Variants in CNTNAP2 observed in about 807,000 individuals in gnomAD.
CNTNAP2 encodes contactin-associated protein-like 2.
A neutral mutation model predicts 155.2 loss-of-function variants in CNTNAP2; 98 were observed. The ratio of observed to expected loss-of-function variants is 0.63; its 90% CI spans 0.54 to 0.75. CNTNAP2 has a LOEUF of 0.75. CNTNAP2 is among the 30% of genes least tolerant of loss of function. The pLI is 0.00. For missense variants in CNTNAP2, 1,727 were observed against 1,688.1 expected (o/e 1.02, Z -0.40); for synonymous variants, 651 against 631.2 (o/e 1.03, Z -0.47).
At chr7:147,073,459 T>A (rs1799937911) in intron 4 of CNTNAP2, among the ~76,000 whole-genome samples, 1 of 152,116 alleles carries the variant, frequency 6.6e-6, no homozygotes, top group South Asian at 2.1e-4. Flanking sequence ...GGAGTCAAGA[T>A]CTCAGCTTGG....
chr7:147,771,720 C>T (rs1797472044), intron 13 of CNTNAP2, among the ~76,000 whole-genome samples: 1 of 152,044 alleles, frequency 6.6e-6, no homozygotes, highest in South Asian at 2.1e-4. Flanking sequence ...AGTTGTCTGG[C>T]TCAAACTTCA....
intron 1 of CNTNAP2, among the ~76,000 whole-genome samples, chr7:146,175,749 T>C (rs754483652): frequency 2.6e-5 from 4 of 152,240 alleles, no homozygotes; most frequent in Non-Finnish European, 5.9e-5. Context: ...GCACACCCTT[T>C]AGTTCTAAGT....
chr7:147,904,456 A>G (rs964717775), intron 14 of CNTNAP2, among the ~76,000 whole-genome samples: 5 of 152,212 alleles, frequency 3.3e-5, no homozygotes, highest in African/African-American at 7.2e-5. Flanking sequence ...GATTCTTTGC[A>G]GAAGCACATA....
chr7:147,439,333 T>G (rs878992292), intron 10 of CNTNAP2, among the ~76,000 whole-genome samples: 1 of 152,058 alleles, frequency 6.6e-6, no homozygotes, highest in African/African-American at 2.4e-5. Flanking sequence ...CTTAATTTTT[T>G]TATTGACCCA....
At chr7:146,884,246 C>T (rs574780154) in intron 3 of CNTNAP2, among the ~76,000 whole-genome samples, 24 of 151,982 alleles carry the variant, frequency 1.6e-4, no homozygotes, top group Admixed American at 3.3e-4. Flanking sequence ...TTGATCCCCA[C>T]GTTTGGTTGA....
At chr7:148,307,955 A>G (rs1797518437) in intron 21 of CNTNAP2, among the ~76,000 whole-genome samples, 1 of 152,218 alleles carries the variant, frequency 6.6e-6, no homozygotes, top group Non-Finnish European at 1.5e-5. Flanking sequence ...CCTGTTTGAC[A>G]GAGTGAGACC....
intron 21 of CNTNAP2, among the ~76,000 whole-genome samples, chr7:148,279,094 G>C (rs1041438779): frequency 1.3e-5 from 2 of 152,236 alleles, no homozygotes; most frequent in Non-Finnish European, 2.9e-5. Context: ...CCATCATGGA[G>C]AGTCTGCATT....
intron 1 of CNTNAP2, among the ~76,000 whole-genome samples, chr7:146,182,181 T>C (rs762646853): frequency 6.6e-6 from 1 of 152,066 alleles, no homozygotes; most frequent in Non-Finnish European, 1.5e-5. Context: ...GGAGAGGAAA[T>C]ATGAATGAGA....
chr7:147,418,123 T>A (rs1797229542), intron 10 of CNTNAP2, among the ~76,000 whole-genome samples: 1 of 152,206 alleles, frequency 6.6e-6, no homozygotes. Flanking sequence ...AAAGCATAGT[T>A]CTATGGTACT....
At chr7:146,483,741 A>AT (rs1797014546) in intron 1 of CNTNAP2, among the ~76,000 whole-genome samples, 1 of 152,090 alleles carries the variant, frequency 6.6e-6, no homozygotes, top group East Asian at 1.9e-4. Flanking sequence ...TAAAGAAAAT[A>AT]TTTTTGTACA....
intron 1 of CNTNAP2, among the ~76,000 whole-genome samples, chr7:146,120,541 T>C (rs984551468): frequency 6.6e-6 from 1 of 152,178 alleles, no homozygotes. Context: ...CAACGTATCA[T>C]TTTAGATGAT....
intron 1 of CNTNAP2, among the ~76,000 whole-genome samples, chr7:146,671,905 G>A (rs962342597): frequency 5.9e-5 from 9 of 151,648 alleles, no homozygotes; most frequent in African/African-American, 2.2e-4. Context: ...AACCTCCGCC[G>A]CCTGGGTTCA....
At position 147,116,387 on chromosome 7, in the gene CNTNAP2, G is replaced by A. The variant is rs556105484; in HGVS notation, c.755-4592G>A. On this transcript the variant is annotated intron_variant, in intron 5 of 23. Transcript: ENST00000361727. ...TTGGAGATTTCTTCAGCCCCTAATC[G>A]GTTTGGGCTCTCCAAGGCCCACAGG... 7.2e-5 allele frequency among the ~76,000 whole-genome samples: 11 copies of A among 152,300 alleles called. No homozygotes were observed. In the South Asian group the frequency reaches 8.3e-4, roughly 11 times the overall value.
At chr7:148,332,199 C>A (rs1022298226) in intron 21 of CNTNAP2, among the ~76,000 whole-genome samples, 45 of 150,016 alleles carry the variant, frequency 3.0e-4, no homozygotes, top group Non-Finnish European at 8.9e-5. Context: ...ACATTTGGCA[C>A]AACAGAGCAA....
intron 9 of CNTNAP2, among the ~76,000 whole-genome samples, chr7:147,319,492 C>T (rs1220406734): frequency 1.3e-5 from 2 of 152,268 alleles, no homozygotes; most frequent in African/African-American, 2.4e-5. Flanking sequence ...ATCCTCCCAC[C>T]TCAGCCTCCC....
chr7:147,117,079 GC>G (rs2129281798), intron 5 of CNTNAP2, among the ~76,000 whole-genome samples: 1 of 152,284 alleles, frequency 6.6e-6, no homozygotes, highest in African/African-American at 2.4e-5. Flanking sequence ...TGGAAATGGG[GC>G]CCACAGAACA....
rs191383110 is a variant in CNTNAP2 at position 147,338,875 on chromosome 7, G to A, written c.1498+38585G>A. Among the ~76,000 whole-genome samples, 114 of 151,728 alleles carry A rather than the reference G, an allele frequency of 7.5e-4. 1 individual carries two copies. The East Asian group carries it at 0.022, about 29-fold the overall frequency. ...AAACAGAAAATGGGGGTCTTGAAGA[G>A]GGCTGGGGGTAGGGGGAGCTCATAT... On this transcript the variant is annotated intron_variant, in intron 9 of 23. Transcript: ENST00000361727.
intron 1 of CNTNAP2, among the ~76,000 whole-genome samples, chr7:146,361,389 C>T (rs1220067897): frequency 6.6e-6 from 1 of 152,060 alleles, no homozygotes; most frequent in Non-Finnish European, 1.5e-5. Context: ...CCCACGTGTA[C>T]CAAGGGACTG....
intron 1 of CNTNAP2, among the ~76,000 whole-genome samples, chr7:146,305,326 C>G (rs1419772556): frequency 1.3e-5 from 2 of 152,160 alleles, no homozygotes; most frequent in African/African-American, 4.8e-5. Flanking sequence ...TGGCGAGGAA[C>G]TGCATACCTT....
Sources: gnomAD v4.1 joint callset for allele counts (sites outside exome capture counted in the v4.1 genomes callset) on GRCh38, gnomAD v4.1.1 for gene constraint, MANE v1.5 for transcripts, NCBI Gene and HGNC (gene_info 2026-07-23, HGNC 2026-07-21) for gene names.